The following CRYBG3 variants were observed in gnomAD, a reference collection of about 807,000 sequenced individuals.
CRYBG3 encodes crystallin beta-gamma domain containing 3, also known as very large A-kinase anchor protein.
A neutral mutation model predicts 244.2 loss-of-function variants in CRYBG3; 127 were observed. The ratio of observed to expected loss-of-function variants is 0.52; its 90% CI spans 0.45 to 0.60. CRYBG3 has a LOEUF of 0.60. CRYBG3 is among the 20% of genes least tolerant of loss of function. The pLI, the probability that CRYBG3 is intolerant of heterozygous loss-of-function variation, is 0.00. For missense variants in CRYBG3, 3,325 were observed against 3,442.5 expected (o/e 0.97, Z 0.85); for synonymous variants, 1,132 against 1,195.8 (o/e 0.95, Z 1.10).
chr3:97,900,219 A>G (rs1416182899), intron 14 of CRYBG3, among the ~76,000 whole-genome samples: 1 of 152,104 alleles, frequency 6.6e-6, no homozygotes, highest in African/African-American at 2.4e-5. Context: ...ATGGTGGCAC[A>G]TGACTGTAGT....
At chr3:97,866,760 C>G (rs1189352674) in intron 3 of CRYBG3, among the ~76,000 whole-genome samples, 1 of 152,026 alleles carries the variant, frequency 6.6e-6, no homozygotes, top group African/African-American at 2.4e-5. Flanking sequence ...TACTTTTCCT[C>G]TTATTTATTG....
chr3:97,856,035 C>T (rs973308520), intron 2 of CRYBG3, among the ~76,000 whole-genome samples: 14 of 152,132 alleles, frequency 9.2e-5, no homozygotes, highest in African/African-American at 2.2e-4. Context: ...AGCCTGGGAG[C>T]GCTATGGGAG....
intron 7 of CRYBG3, among the ~76,000 whole-genome samples, chr3:97,885,705 T>TAGCATGA (rs931752906): frequency 2.0e-5 from 3 of 152,154 alleles, no homozygotes; most frequent in Non-Finnish European, 4.4e-5. Flanking sequence ...GAAGTGGAGA[T>TAGCATGA]AGCATGAAGA....
chr3:97,886,051 C>A (rs1355781933), intron 7 of CRYBG3, among the ~76,000 whole-genome samples: 1 of 152,128 alleles, frequency 6.6e-6, no homozygotes, highest in Non-Finnish European at 1.5e-5. Flanking sequence ...AGTAAAGGGT[C>A]AATTTCATAA....
intron 2 of CRYBG3, among the ~76,000 whole-genome samples, chr3:97,849,350 G>A (rs979654244): frequency 6.6e-6 from 1 of 152,088 alleles, no homozygotes; most frequent in African/African-American, 2.4e-5. Context: ...TATTGATTCT[G>A]CATAACGTTT....
At chr3:97,822,486 C>T (rs901213330) in intron 1 of CRYBG3, 131 bp downstream of exon 1, 2 of 842,958 alleles carry the variant, frequency 2.4e-6, no homozygotes, top group African/African-American at 1.8e-5. Flanking sequence ...TGTTCTCCTT[C>T]CTCCATTGCT....
chr3:97,880,102 T>G lies in CRYBG3; in HGVS notation c.7004+2T>G. 6.8e-7 allele frequency: 1 copy of G among 1,476,340 alleles called. No homozygotes were observed. Among genetic ancestry groups the G allele is most frequent in the Non-Finnish European group, 9.3e-7 (1 of 1,074,840 alleles). 91.5% of individuals were successfully genotyped at this position (1,476,340 alleles called of 1,614,324 possible). ...TCTAATAAAAGTTGTAAGGGGCTGG[T>G]AAGAAGTTTCTTAAAATTTTATAGC... On this transcript the variant is annotated splice_donor_variant, in intron 6 of 21. Transcript: ENST00000389622. LOFTEE classifies it high-confidence loss of function.
chr3:97,828,990 T>G (rs1334734976), intron 1 of CRYBG3, among the ~76,000 whole-genome samples: 1 of 152,114 alleles, frequency 6.6e-6, no homozygotes, highest in Non-Finnish European at 1.5e-5. Context: ...TATGGGGAAC[T>G]GAGTGAAGGG....
chr3:97,942,528 T>TA, intron 21 of CRYBG3, 85 bp downstream of exon 21: 1 of 1,202,328 alleles, frequency 8.3e-7, no homozygotes, highest in Non-Finnish European at 1.1e-6. Flanking sequence ...AGGACATCCT[T>TA]ATGTATAAGA....
chr3:97,878,148 T>C (rs2039405337), intron 4 of CRYBG3, 111 bp downstream of exon 4: 2 of 988,258 alleles, frequency 2.0e-6, no homozygotes, highest in Non-Finnish European at 3.0e-6. Flanking sequence ...TGGTGGCTCA[T>C]GCCTGTAATC....
intron 15 of CRYBG3, among the ~76,000 whole-genome samples, chr3:97,907,611 A>G (rs2039793747): frequency 6.9e-6 from 1 of 144,978 alleles, no homozygotes; most frequent in South Asian, 2.3e-4. Context: ...ATCATTTTTT[A>G]TTGCGTCTAT....
intron 19 of CRYBG3, among the ~76,000 whole-genome samples, chr3:97,940,552 C>T (rs2040216796): frequency 6.6e-6 from 1 of 151,950 alleles, no homozygotes; most frequent in Non-Finnish European, 1.5e-5. Context: ...TTAAAACTTC[C>T]AGGCCAAGGG....
At chr3:97,941,099 T>C in intron 19 of CRYBG3, 49 bp from the exon 20 acceptor site, 1 of 1,507,366 alleles carries the variant, frequency 6.6e-7, no homozygotes, top group Non-Finnish European at 9.0e-7. Context: ...GAAGGATTCA[T>C]TTCCAGATTC....
At position 97,874,917 on chromosome 3, in the gene CRYBG3, A is replaced by G. The variant is rs559086884; in HGVS notation, c.3723A>G (p.Glu1241=). 1.7e-5 allele frequency: 26 copies of G among 1,535,646 alleles called. No homozygotes were observed. In the Admixed American group the frequency reaches 2.9e-4, roughly 17 times the overall value. Residue 1241 remains glutamate, a synonymous_variant, in exon 4 of 22, where the codon GAA becomes GAG. Coordinates refer to ENST00000389622, the MANE Select transcript of CRYBG3 (RefSeq NM_153605.4). ...EGIMNLGTLK[E]DISEKNPSEV... ...TAATGAATCTGGGTACCCTGAAAGAAGACATCTCTGAGAAAAACCCATCAG... is the reference window on the plus strand; with the variant it reads ...TAATGAATCTGGGTACCCTGAAAGAGGACATCTCTGAGAAAAACCCATCAG...
chr3:97,896,837 A>G (rs2039645846), intron 12 of CRYBG3, among the ~76,000 whole-genome samples: 1 of 152,200 alleles, frequency 6.6e-6, no homozygotes, highest in African/African-American at 2.4e-5. Flanking sequence ...CCCAGTATTA[A>G]TAGTGCTGAG....
At chr3:97,869,800 G>C (rs1432108661) in intron 3 of CRYBG3, among the ~76,000 whole-genome samples, 1 of 152,002 alleles carries the variant, frequency 6.6e-6, no homozygotes, top group Non-Finnish European at 1.5e-5. Flanking sequence ...TACAATACTG[G>C]TGCATTAGTA....
chr3:97,873,264 T>C lies in CRYBG3; in HGVS notation c.2070T>C (p.Ile690=), dbSNP rs1183215227. Residue 690 remains isoleucine (I), a synonymous_variant, in exon 4 of 22, where the codon ATT becomes ATC. Coordinates refer to ENST00000389622, the MANE Select transcript of CRYBG3 (RefSeq NM_153605.4). ...PVPIETGNVN[I]VGISYQPRKC... ...CCATTGAAACTGGGAATGTCAACAT[T>C]GTTGGTATTTCCTATCAGCCTAGGA... 1.3e-6 allele frequency: 2 copies of C among 1,535,124 alleles called. No homozygotes were observed. The highest frequency in any genetic ancestry group is 1.4e-5 in the African/African-American group (1 of 72,994).
intron 11 of CRYBG3, among the ~76,000 whole-genome samples, chr3:97,895,095 A>T (rs1559736036): frequency 6.6e-6 from 1 of 152,276 alleles, no homozygotes; most frequent in East Asian, 1.9e-4. Context: ...CCTGAATTTC[A>T]AATTTCCCAA....
At chr3:97,883,027 C>T (rs1020797757) in intron 7 of CRYBG3, among the ~76,000 whole-genome samples, 2 of 152,084 alleles carry the variant, frequency 1.3e-5, no homozygotes, top group African/African-American at 4.8e-5. Context: ...GAAGCGTTCT[C>T]CAGGGCACAC....
Sources: gnomAD v4.1 joint callset for allele counts (sites outside exome capture counted in the v4.1 genomes callset) on GRCh38, gnomAD v4.1.1 for gene constraint, MANE v1.5 for transcripts, NCBI Gene and HGNC (gene_info 2026-07-23, HGNC 2026-07-21) for gene names.